TYW1B: variants seen among roughly 807,000 people sequenced by gnomAD.
TYW1B encodes S-adenosyl-L-methionine-dependent tRNA 4-demethylwyosine synthase TYW1B.
TYW1B carries 73 observed loss-of-function variants against 86.9 expected under a neutral mutation model. That is an observed-to-expected ratio of 0.84 (90% confidence interval 0.70 to 1.02). The LOEUF (loss-of-function observed/expected upper bound fraction) is 1.02. Ranked by LOEUF, TYW1B falls within the 50% of genes least tolerant of loss-of-function variation. The pLI is 0.00. For missense variants in TYW1B, 637 were observed against 827.4 expected (o/e 0.77, Z 2.82); for synonymous variants, 248 against 292.8 (o/e 0.85, Z 1.56).
At chr7:72,766,777 A>G (rs1270147643) in intron 7 of TYW1B, among the ~76,000 whole-genome samples, 2 of 151,484 alleles carry the variant, frequency 1.3e-5, no homozygotes, top group Non-Finnish European at 2.9e-5. Flanking sequence ...AAATACAAAA[A>G]TTACCCAGGC....
At chr7:72,731,819 G>C (rs1554460017) in intron 8 of TYW1B, among the ~76,000 whole-genome samples, 1 of 152,138 alleles carries the variant, frequency 6.6e-6, no homozygotes, top group East Asian at 1.9e-4. Flanking sequence ...GTGGGCACCT[G>C]TAATCCCAGC....
intron 11 of TYW1B, among the ~76,000 whole-genome samples, chr7:72,631,957 A>G (rs1812502137): frequency 6.6e-6 from 1 of 152,132 alleles, no homozygotes; most frequent in Non-Finnish European, 1.5e-5. Context: ...GCAATCAGCA[A>G]TTACAAAATT....
rs781862691 is a variant in TYW1B, at chr7:72,575,530, TTCTC to T, written c.1971_1974del (p.Lys659ThrfsTer13). On this transcript the variant is annotated frameshift_variant, in exon 14 of 14. Coordinates refer to ENST00000620995, the MANE Select transcript of TYW1B (RefSeq NM_001145440.3). LOFTEE classifies it high-confidence loss of function. ...CCAGAAATAGCCTTTGATTTGTTCT[TTCTC>T]TGATGTCTTGTGTCCTTGGGATCAA... The T allele has an allele frequency of 6.2e-7, 1 of 1,613,962 alleles. No individual in the cohort carries two copies. Among genetic ancestry groups the T allele is most frequent in the South Asian group, 1.1e-5 (1 of 91,064 alleles).
intron 7 of TYW1B, among the ~76,000 whole-genome samples, chr7:72,764,938 T>C (rs1255712804): frequency 1.3e-5 from 2 of 152,194 alleles, no homozygotes; most frequent in Admixed American, 1.3e-4. Flanking sequence ...ATGGAACCAT[T>C]TGCTTTTCCT....
chr7:72,705,797 T>C (rs1479614192), intron 10 of TYW1B, among the ~76,000 whole-genome samples: 1 of 152,098 alleles, frequency 6.6e-6, no homozygotes, highest in Non-Finnish European at 1.5e-5. Flanking sequence ...GGGAAGAAGC[T>C]ATTCAGTGTT....
intron 4 of TYW1B, among the ~76,000 whole-genome samples, chr7:72,808,436 T>A (rs1554477255): frequency 6.6e-6 from 1 of 151,952 alleles, no homozygotes; most frequent in African/African-American, 2.4e-5. Flanking sequence ...TGAGACCCTG[T>A]CTCAAAAAAC....
At chr7:72,704,579 T>TC (rs1159147298) in intron 10 of TYW1B, among the ~76,000 whole-genome samples, 4 of 147,604 alleles carry the variant, frequency 2.7e-5, no homozygotes, top group African/African-American at 7.6e-5. Flanking sequence ...TGGGACCCTG[T>TC]CTCTGAAGAA....
intron 11 of TYW1B, among the ~76,000 whole-genome samples, chr7:72,682,916 G>A (rs1278782506): frequency 6.6e-6 from 1 of 152,182 alleles, no homozygotes; most frequent in African/African-American, 2.4e-5. Context: ...CTACACTTTT[G>A]TGAGTTTTAC....
intron 8 of TYW1B, among the ~76,000 whole-genome samples, chr7:72,733,448 A>G (rs1212305642): frequency 2.6e-5 from 4 of 152,118 alleles, no homozygotes; most frequent in Non-Finnish European, 4.4e-5. Context: ...TCATGAATTC[A>G]GGAGATCAAG....
intron 11 of TYW1B, among the ~76,000 whole-genome samples, chr7:72,646,044 AG>A (rs1330303627): frequency 6.8e-6 from 1 of 147,076 alleles, no homozygotes; most frequent in South Asian, 2.2e-4. Flanking sequence ...AAATTTTAAA[AG>A]TCTTTTCGTT....
chr7:72,737,279 T>C (rs1335765766), intron 8 of TYW1B, among the ~76,000 whole-genome samples: 1 of 152,236 alleles, frequency 6.6e-6, no homozygotes, highest in Non-Finnish European at 1.5e-5. Context: ...CAAATTCTAA[T>C]TTTAAAAGCT....
At chr7:72,816,357 C>T (rs782164210) in intron 2 of TYW1B, among the ~76,000 whole-genome samples, 15 of 151,890 alleles carry the variant, frequency 9.9e-5, no homozygotes, top group Non-Finnish European at 1.5e-4. Context: ...GCCTGGGCAA[C>T]AAAACTCCAT....
intron 12 of TYW1B, among the ~76,000 whole-genome samples, chr7:72,622,716 A>C (rs1812252556): frequency 6.6e-6 from 1 of 151,300 alleles, no homozygotes; most frequent in Non-Finnish European, 1.5e-5. Flanking sequence ...ATGCACACAC[A>C]CAACACACAT....
At chr7:72,762,795 G>A (rs372563014) in intron 7 of TYW1B, among the ~76,000 whole-genome samples, 1 of 152,040 alleles carries the variant, frequency 6.6e-6, no homozygotes, top group East Asian at 1.9e-4. Context: ...GAGTAGCTGG[G>A]ACTACAGGCG....
chr7:72,789,504 G>T (rs1554473053), intron 6 of TYW1B, among the ~76,000 whole-genome samples: 1 of 152,102 alleles, frequency 6.6e-6, no homozygotes, highest in African/African-American at 2.4e-5. Flanking sequence ...TTGGATTTCA[G>T]ACTTTTGGAT....
chr7:72,586,350 T>C (rs1811276011), intron 13 of TYW1B, among the ~76,000 whole-genome samples: 1 of 152,232 alleles, frequency 6.6e-6, no homozygotes. Context: ...CTGCTACATG[T>C]CTGACCTTAA....
At chr7:72,766,909 A>G (rs1478426216) in intron 7 of TYW1B, among the ~76,000 whole-genome samples, 1 of 152,218 alleles carries the variant, frequency 6.6e-6, no homozygotes, top group Non-Finnish European at 1.5e-5. Flanking sequence ...CCTGGGTGAC[A>G]GAACAAGACT....
intron 9 of TYW1B, among the ~76,000 whole-genome samples, chr7:72,725,047 G>A (rs1554458441): frequency 6.6e-6 from 1 of 152,038 alleles, no homozygotes. Flanking sequence ...TAAGCCTAAG[G>A]TCACTACTGG....
At chr7:72,774,290 T>C (rs1272904996) in intron 7 of TYW1B, among the ~76,000 whole-genome samples, 1 of 147,154 alleles carries the variant, frequency 6.8e-6, no homozygotes, top group Non-Finnish European at 1.5e-5. Context: ...ATTAGCCCTA[T>C]ACTGAGCCGG....
Sources: gnomAD v4.1 joint callset for allele counts (sites outside exome capture counted in the v4.1 genomes callset) on GRCh38, gnomAD v4.1.1 for gene constraint, MANE v1.5 for transcripts, NCBI Gene and HGNC (gene_info 2026-07-23, HGNC 2026-07-21) for gene names.